ITPK1: variants seen among roughly 807,000 people sequenced by gnomAD.
The protein encoded by ITPK1 is inositol-tetrakisphosphate 1-kinase, also known as inositol 1,3,4-trisphosphate 5/6-kinase.
In ITPK1, 21 loss-of-function variants were observed where a neutral mutation model predicts 45.3. That is an observed-to-expected ratio of 0.46 (90% confidence interval 0.33 to 0.67). The LOEUF (loss-of-function observed/expected upper bound fraction) is 0.67, where lower values mean the gene tolerates loss of function less well. ITPK1 is among the 30% of genes least tolerant of loss of function. The pLI is 0.02. For synonymous variants in ITPK1, 258 were observed against 253.6 expected (o/e 1.02, Z -0.16); for missense variants, 474 against 573.5 (o/e 0.83, Z 1.77).
intron 3 of ITPK1, among the ~76,000 whole-genome samples, chr14:93,029,752 T>C (rs1888939639): frequency 6.6e-6 from 1 of 152,188 alleles, no homozygotes; most frequent in Non-Finnish European, 1.5e-5. Context: ...GCCATGAGCA[T>C]CTTGCAGGCC....
At chr14:93,020,490 C>A (rs868053403) in intron 3 of ITPK1, among the ~76,000 whole-genome samples, 1 of 152,192 alleles carries the variant, frequency 6.6e-6, no homozygotes, top group Non-Finnish European at 1.5e-5. Flanking sequence ...TTATGAGTCC[C>A]AGAGCAAAAG....
intron 5 of ITPK1, among the ~76,000 whole-genome samples, chr14:92,969,428 G>A (rs371127984): frequency 6.6e-6 from 1 of 152,190 alleles, no homozygotes; most frequent in Non-Finnish European, 1.5e-5. Context: ...GGGAACAGCC[G>A]GTGCAAAGGC....
chr14:92,967,519 A>C (rs1885438856), intron 5 of ITPK1, among the ~76,000 whole-genome samples: 1 of 152,240 alleles, frequency 6.6e-6, no homozygotes, highest in South Asian at 2.1e-4. Flanking sequence ...TTTTTCAAAC[A>C]GTTAAACAGA....
chr14:92,967,714 T>A (rs1445886348), intron 5 of ITPK1, among the ~76,000 whole-genome samples: 1 of 152,206 alleles, frequency 6.6e-6, no homozygotes, highest in Non-Finnish European at 1.5e-5. Flanking sequence ...AATGGAATAT[T>A]ATTCAGCCAT....
Position 93,016,932 on chromosome 14 carries a change from C to A in ITPK1, c.121-131G>T. The A allele has an allele frequency of 2.5e-6, 3 of 1,194,634 alleles. 1 individual carries two copies. 74.0% of individuals were successfully genotyped at this position (1,194,634 alleles called of 1,614,324 possible). A position where few individuals can be genotyped will look rare whatever the true frequency, so the allele number is the denominator to read the frequency against. ...TCCCTGTAGCACTCTGGAGATGGGG[C>A]AGGAGGAGGGCTGACATGGAAAATA... is the stretch of plus-strand genomic sequence containing the variant. On this transcript the variant is annotated intron_variant, in intron 3 of 10. Coordinates refer to ENST00000267615, the MANE Select transcript of ITPK1 (RefSeq NM_014216.6). This position sits in a 1 kb window ranked among gnomAD's most constrained non-coding sequence, Gnocchi z 5.0.
intron 3 of ITPK1, among the ~76,000 whole-genome samples, chr14:93,051,637 A>C (rs1338407192): frequency 2.0e-5 from 3 of 152,034 alleles, no homozygotes; most frequent in Middle Eastern, 3.2e-3. Context: ...AAAAAAAGAA[A>C]GAGCTGCTCA....
intron 4 of ITPK1, among the ~76,000 whole-genome samples, chr14:93,006,646 A>G (rs938808043): frequency 6.6e-6 from 1 of 152,142 alleles, no homozygotes; most frequent in Non-Finnish European, 1.5e-5. Context: ...GCCGCCTGGC[A>G]TGTGGTGTGA....
chr14:93,014,250 C>A lies in ITPK1; in HGVS notation c.246+2426G>T, dbSNP rs1888060596. ...GCCTGACAGCCTTAAGCCACAAGGC[C>A]CCATGCTGCCCTCCACACACGCTCC... On this transcript the variant is annotated intron_variant, in intron 4 of 10. Coordinates refer to ENST00000267615, the MANE Select transcript of ITPK1 (RefSeq NM_014216.6). The surrounding 1 kb of genome is among the most constrained non-coding windows in gnomAD (Gnocchi z 4.4). Among the ~76,000 whole-genome samples the A allele has an allele frequency of 6.6e-6, 1 of 152,104 alleles. No homozygotes were observed. The highest frequency in any genetic ancestry group is 2.4e-5 in the African/African-American group (1 of 41,420).
intron 8 of ITPK1, among the ~76,000 whole-genome samples, chr14:92,952,517 T>C (rs1427048960): frequency 1.6e-5 from 2 of 122,406 alleles, no homozygotes; most frequent in African/African-American, 5.2e-5. Context: ...CAAAGGGTTC[T>C]GGTGGTTCTT....
chr14:93,085,538 C>A (rs912016522), intron 2 of ITPK1, among the ~76,000 whole-genome samples: 1 of 152,192 alleles, frequency 6.6e-6, no homozygotes, highest in Non-Finnish European at 1.5e-5. Context: ...GGTGACCCAC[C>A]TTTGGCACCT....
At chr14:93,078,038 C>T (rs943904162) in intron 2 of ITPK1, among the ~76,000 whole-genome samples, 3 of 152,072 alleles carry the variant, frequency 2.0e-5, no homozygotes, top group East Asian at 1.9e-4. Context: ...TATGTGTGCC[C>T]GTGCCCAATT....
chr14:93,097,251 G>A (rs1022896415), intron 2 of ITPK1, among the ~76,000 whole-genome samples: 1 of 152,172 alleles, frequency 6.6e-6, no homozygotes, highest in Non-Finnish European at 1.5e-5. Flanking sequence ...CCGCCAAGGG[G>A]TAAAGTTTAT....
At chr14:92,951,840 C>T in intron 9 of ITPK1, 106 bp downstream of exon 9, 1 of 868,918 alleles carries the variant, frequency 1.2e-6, no homozygotes, top group Non-Finnish European at 1.9e-6. Flanking sequence ...CCTTCCCACC[C>T]TACCCTGCTG....
At chr14:92,981,176 A>G (rs1287925232) in intron 5 of ITPK1, among the ~76,000 whole-genome samples, 1 of 152,030 alleles carries the variant, frequency 6.6e-6, no homozygotes, top group Non-Finnish European at 1.5e-5. Context: ...ATGCCTGCCA[A>G]TGTTCCCCCT....
chr14:92,953,867 C>G (rs1458225848), intron 8 of ITPK1, among the ~76,000 whole-genome samples: 3 of 152,196 alleles, frequency 2.0e-5, no homozygotes, highest in Non-Finnish European at 4.4e-5. Flanking sequence ...TCAAAAGGGG[C>G]TCTTTTCTCC....
At chr14:93,072,004 C>T (rs1891025600) in intron 3 of ITPK1, 1 of 151,578 alleles carries the variant, frequency 6.6e-6, no homozygotes, top group Non-Finnish European at 1.5e-5. Flanking sequence ...TAAAAATAAA[C>T]TTAATTAGGC....
Position 92,938,385 on chromosome 14 carries a change from G to T in ITPK1, c.*3176C>A. On this transcript the variant is annotated 3_prime_UTR_variant, in exon 11 of 11. Coordinates refer to ENST00000267615, the MANE Select transcript of ITPK1 (RefSeq NM_014216.6). ...CAAGAACTGGTCTTCCAGGCTAGAA[G>T]GACAAACGACAGGCTGGCTCCCTTG... The T allele has an allele frequency of 1.1e-6, 1 of 933,918 alleles. No individual in the cohort carries two copies. Among genetic ancestry groups the T allele is most frequent in the Non-Finnish European group, 1.8e-6 (1 of 567,872 alleles). 57.9% of individuals were successfully genotyped at this position (933,918 alleles called of 1,614,324 possible). A position where few individuals can be genotyped will look rare whatever the true frequency, so the allele number is the denominator to read the frequency against.
intron 2 of ITPK1, among the ~76,000 whole-genome samples, chr14:93,112,436 C>A (rs1892790282): frequency 7.0e-6 from 1 of 142,466 alleles, no homozygotes; most frequent in Non-Finnish European, 1.5e-5. Flanking sequence ...AGAGCAGGGC[C>A]ATTTTTTTTT....
chr14:93,053,411 A>G (rs1890099965), intron 3 of ITPK1, among the ~76,000 whole-genome samples: 1 of 152,200 alleles, frequency 6.6e-6, no homozygotes, highest in African/African-American at 2.4e-5. Flanking sequence ...TGGGGGCCTC[A>G]TGACAGCCAG....
Sources: gnomAD v4.1 joint callset for allele counts (sites outside exome capture counted in the v4.1 genomes callset) on GRCh38, gnomAD v4.1.1 for gene constraint, Gnocchi (gnomAD v3.1) non-coding constraint, MANE v1.5 for transcripts, NCBI Gene and HGNC (gene_info 2026-07-23, HGNC 2026-07-21) for gene names.